LRRC4C: variants seen among roughly 807,000 people sequenced by gnomAD.
LRRC4C encodes leucine rich repeat containing 4C, also known as leucine-rich repeat-containing protein 4C.
Under a neutral mutation model 33.6 loss-of-function variants are expected in LRRC4C, and 5 were observed. The observed-to-expected ratio is 0.15, with a 90% CI of 0.08 to 0.31. The LOEUF is 0.31. Ranked by LOEUF, LRRC4C falls within the 10% of genes least tolerant of loss-of-function variation. The pLI, the probability that LRRC4C is intolerant of heterozygous loss-of-function variation, is 1.00. For missense variants in LRRC4C, 560 were observed against 796.7 expected (o/e 0.70, Z 3.58); for synonymous variants, 329 against 302.0 (o/e 1.09, Z -0.93).
rs1050691211 is a variant in LRRC4C, at chr11:41,090,701, G to T, written c.-495-156978C>A. Among the ~76,000 whole-genome samples the T allele has an allele frequency of 2.6e-5, 4 of 152,118 alleles. No individual in the cohort carries two copies. In the East Asian group the frequency reaches 7.7e-4, roughly 29 times the overall value. ...TGAAGGAGGGACCAGGTGAGAAGGT[G>T]ATTGCATCTTGGGGGCAGTTTCCCC... On this transcript the variant is annotated intron_variant, in intron 1 of 6. Coordinates refer to ENST00000528697, the MANE Select transcript of LRRC4C (RefSeq NM_001258419.2).
At chr11:41,363,612 C>T (rs921629790) in intron 1 of LRRC4C, among the ~76,000 whole-genome samples, 2 of 152,138 alleles carry the variant, frequency 1.3e-5, no homozygotes, top group Non-Finnish European at 2.9e-5. Flanking sequence ...TCAGACTATG[C>T]TTCCCTTCAA....
chr11:41,009,381 T>C (rs1160234697), intron 1 of LRRC4C, among the ~76,000 whole-genome samples: 1 of 152,052 alleles, frequency 6.6e-6, no homozygotes. Flanking sequence ...GGTAACTAAA[T>C]GCTGAAAAGA....
At chr11:40,146,517 G>A (rs534284403) in intron 5 of LRRC4C, among the ~76,000 whole-genome samples, 5 of 152,174 alleles carry the variant, frequency 3.3e-5, no homozygotes, top group African/African-American at 9.6e-5. Flanking sequence ...ATTTCCACAT[G>A]TCTCTGACTG....
chr11:41,195,196 C>T (rs890977187), intron 1 of LRRC4C, among the ~76,000 whole-genome samples: 1 of 152,014 alleles, frequency 6.6e-6, no homozygotes, highest in African/African-American at 2.4e-5. Context: ...GTTAACAAAA[C>T]AAAACACACT....
chr11:40,492,873 T>C (rs922886470), intron 3 of LRRC4C, among the ~76,000 whole-genome samples: 2 of 152,066 alleles, frequency 1.3e-5, no homozygotes, highest in Non-Finnish European at 2.9e-5. Flanking sequence ...AATGACCCTA[T>C]AGGCTTTTGC....
At chr11:40,502,013 C>T (rs948594343) in intron 3 of LRRC4C, among the ~76,000 whole-genome samples, 3 of 152,164 alleles carry the variant, frequency 2.0e-5, no homozygotes, top group Admixed American at 6.5e-5. Context: ...TACCCTAAAT[C>T]ATCTCTCTCA....
At chr11:40,342,994 C>T (rs1330067322) in intron 3 of LRRC4C, among the ~76,000 whole-genome samples, 1 of 151,966 alleles carries the variant, frequency 6.6e-6, no homozygotes, top group Non-Finnish European at 1.5e-5. Flanking sequence ...AGTAATGTTT[C>T]TCTAACTTGC....
At chr11:41,156,182 G>A (rs919220699) in intron 1 of LRRC4C, among the ~76,000 whole-genome samples, 3 of 152,082 alleles carry the variant, frequency 2.0e-5, no homozygotes, top group African/African-American at 7.2e-5. Flanking sequence ...GTCTGCCCCA[G>A]TGTTGCTGTG....
At chr11:41,248,603 A>G (rs983858698) in intron 1 of LRRC4C, among the ~76,000 whole-genome samples, 1 of 152,116 alleles carries the variant, frequency 6.6e-6, no homozygotes, top group African/African-American at 2.4e-5. Flanking sequence ...ATGGAATATC[A>G]CAGGAACCAC....
chr11:40,491,084 A>C (rs1417027884), intron 3 of LRRC4C, among the ~76,000 whole-genome samples: 1 of 152,076 alleles, frequency 6.6e-6, no homozygotes, highest in African/African-American at 2.4e-5. Flanking sequence ...AGGAGTAGAG[A>C]CCAGCCTGAT....
intron 4 of LRRC4C, among the ~76,000 whole-genome samples, chr11:40,287,106 A>C (rs1386415096): frequency 6.6e-6 from 1 of 152,160 alleles, no homozygotes; most frequent in Non-Finnish European, 1.5e-5. Flanking sequence ...GATCTAACAG[A>C]AGAGAATATA....
chr11:40,279,554 C>T (rs1270852235), intron 4 of LRRC4C, among the ~76,000 whole-genome samples: 2 of 152,132 alleles, frequency 1.3e-5, no homozygotes, highest in Admixed American at 6.6e-5. Flanking sequence ...CAAATAATAG[C>T]TTGAGTATTT....
chr11:40,249,416 T>C (rs1280260530), intron 4 of LRRC4C, among the ~76,000 whole-genome samples: 6 of 152,008 alleles, frequency 3.9e-5, no homozygotes, highest in African/African-American at 1.2e-4. Context: ...TACAGAATTA[T>C]AAAATTCACT....
chr11:41,341,765 T>C (rs192718545), intron 1 of LRRC4C, among the ~76,000 whole-genome samples: 13 of 152,322 alleles, frequency 8.5e-5, no homozygotes, highest in Admixed American at 8.5e-4. Context: ...CTTTGCAACA[T>C]AGTTTCAGGT....
intron 2 of LRRC4C, among the ~76,000 whole-genome samples, chr11:40,696,316 G>A (rs377731727): frequency 1.3e-4 from 12 of 94,398 alleles, no homozygotes; most frequent in Non-Finnish European, 2.3e-4. Context: ...TATATATGTG[G>A]TATATATATG....
chr11:40,882,717 G>A (rs770920614), intron 2 of LRRC4C, among the ~76,000 whole-genome samples: 4 of 151,956 alleles, frequency 2.6e-5, no homozygotes, highest in Non-Finnish European at 4.4e-5. Context: ...ACTTAACACA[G>A]TACACTGTAA....
intron 2 of LRRC4C, among the ~76,000 whole-genome samples, chr11:40,651,265 GGAAGTGT>G (rs1443368447): frequency 6.6e-6 from 1 of 152,024 alleles, no homozygotes; most frequent in East Asian, 1.9e-4. Flanking sequence ...AAGTCTAGAG[GGAAGTGT>G]CTTAACACGT....
At chr11:40,893,818 AACACAC>A (rs55810825) in intron 2 of LRRC4C, among the ~76,000 whole-genome samples, 21,103 of 69,902 alleles carry the variant, frequency 0.3, 1,994 homozygotes, top group East Asian at 0.52. Flanking sequence ...TACGTATTAT[AACACAC>A]ACACACACAC....
At chr11:40,646,613 C>A (rs1565594724) in intron 3 of LRRC4C, among the ~76,000 whole-genome samples, 2 of 152,162 alleles carry the variant, frequency 1.3e-5, no homozygotes, top group Non-Finnish European at 1.5e-5. Context: ...TCTTCTCTCT[C>A]TCTCTTTTTT....
Sources: allele counts gnomAD v4.1 joint callset (sites outside exome capture counted in the v4.1 genomes callset), GRCh38; gene constraint gnomAD v4.1.1; transcripts MANE v1.5; gene names NCBI Gene and HGNC (gene_info 2026-07-23, HGNC 2026-07-21).